ERCC6: variants seen among roughly 807,000 people sequenced by gnomAD.
ERCC6 encodes the protein DNA excision repair protein ERCC-6.
A neutral mutation model predicts 158.7 loss-of-function variants in ERCC6; 116 were observed. The observed-to-expected ratio is 0.73, with a 90% confidence interval of 0.63 to 0.85. The LOEUF (loss-of-function observed/expected upper bound fraction) is 0.85, where lower values mean the gene tolerates loss of function less well. Ranked by LOEUF, ERCC6 falls within the 40% of genes least tolerant of loss-of-function variation. ERCC6 has a pLI of 0.00. For missense variants in ERCC6, 1,698 were observed against 1,799.4 expected, an observed-to-expected ratio of 0.94 and a Z score of 1.02; for synonymous variants, 678 against 659.3, an observed-to-expected ratio of 1.03 and a Z score of -0.43.
Position 49,528,490 on chromosome 10 carries a change from C to T in ERCC6, c.579G>A (p.Lys193=). ...CTCCTCCAAGGATGGCCTGGAGATG[C>T]TTTTGTTTTGCAGTGATCTTTTTTA... ...QQLKKITAKQ[K]HLQAILGGAE... is the part of the protein sequence containing the mutation. The change falls in exon 4 of 21, where the codon AAG becomes AAA. Residue 193 remains lysine (K), a synonymous_variant. Coordinates refer to ENST00000355832, the MANE Select transcript of ERCC6 (RefSeq NM_000124.4). 2 of 1,614,114 alleles carry T rather than the reference C, an allele frequency of 1.2e-6. No individual in the cohort carries two copies.
chr10:49,478,597 G>C, intron 10 of ERCC6, 127 bp from the exon 11 acceptor site: 1 of 727,732 alleles, frequency 1.4e-6, no homozygotes, highest in Non-Finnish European at 2.5e-6. Context: ...AAAGTCAGTG[G>C]GAAATGATTG....
chr10:49,533,140 C>T (rs937422110), intron 1 of ERCC6, among the ~76,000 whole-genome samples, 162 bp from the exon 2 acceptor site: 6 of 152,120 alleles, frequency 3.9e-5, no homozygotes, highest in South Asian at 2.1e-4. Flanking sequence ...AAAGGGACAA[C>T]GTATCTTCTT....
the ERCC6 span, among the ~76,000 whole-genome samples, chr10:49,446,596 G>A: frequency 3.9e-5 from 6 of 152,084 alleles, no homozygotes; most frequent in African/African-American, 7.2e-5. Flanking sequence ...GTGACACAGC[G>A]AGACTCTGTC....
At chr10:49,465,874 T>C (rs1471362232) in intron 18 of ERCC6, among the ~76,000 whole-genome samples, 3 of 151,940 alleles carry the variant, frequency 2.0e-5, no homozygotes, top group Non-Finnish European at 4.4e-5. Flanking sequence ...TTATCAGCAG[T>C]GTGAAAACAG....
intron 7 of ERCC6, among the ~76,000 whole-genome samples, chr10:49,499,434 G>GA (rs1332247072): frequency 6.6e-6 from 1 of 152,176 alleles, no homozygotes; most frequent in East Asian, 1.9e-4. Context: ...TCTCTACTAA[G>GA]CATTTCGCTG....
chr10:49,436,312 C>T, the ERCC6 span, among the ~76,000 whole-genome samples: 1 of 152,022 alleles, frequency 6.6e-6, no homozygotes, highest in African/African-American at 2.4e-5. Flanking sequence ...ACACAGCAAA[C>T]ACTAGCAATA....
At chr10:49,488,017 AT>A (rs1851105263) in intron 8 of ERCC6, 2 of 153,664 alleles carry the variant, frequency 1.3e-5, no homozygotes, top group Non-Finnish European at 2.9e-5. Context: ...ATAATGGTGA[AT>A]TGTTGAATAT....
chr10:49,468,001 G>T (rs1850707490), intron 18 of ERCC6, among the ~76,000 whole-genome samples: 1 of 152,098 alleles, frequency 6.6e-6, no homozygotes, highest in Admixed American at 6.5e-5. Context: ...TACTACAGAG[G>T]CAAGACCCCC....
At position 49,498,379 on chromosome 10, in the gene ERCC6, G is replaced by C. The variant is rs148551761; in HGVS notation, c.1685+2159C>G. 1.3e-3 allele frequency among the ~76,000 whole-genome samples: 202 copies of C among 152,242 alleles called. 1 individual carries two copies. The South Asian group carries it at 0.017, about 13-fold the overall frequency. On this transcript the variant is annotated intron_variant, in intron 7 of 20. Transcript: ENST00000355832. ...CACACAGAACTTCATTTGACCTTAA[G>C]AGCTATTTTTCTGTAAGACATAAGT... is the stretch of plus-strand genomic sequence containing the variant.
At chr10:49,446,871 C>G in the ERCC6 span, among the ~76,000 whole-genome samples, 2 of 152,232 alleles carry the variant, frequency 1.3e-5, no homozygotes, top group African/African-American at 4.8e-5. Context: ...ATAAAAAGTT[C>G]CAGAAGGGTG....
Position 49,478,420 on chromosome 10 carries a change from T to C in ERCC6, c.2220A>G (p.Pro740=). The change falls in exon 11 of 21, where the codon CCA becomes CCG. Residue 740 remains proline (P), a synonymous_variant. Coordinates refer to ENST00000355832, the MANE Select transcript of ERCC6 (RefSeq NM_000124.4). The stretch of plus-strand genomic sequence containing the variant: ...CTGACTTCATTCTCCGCAGTAGGTA[T>C]GGATTTATGGTATCTCGTAAGACAC... The part of the protein sequence containing the change: ...CACVLRDTIN[P]YLLRRMKSDV... 3 of 1,614,120 alleles carry C rather than the reference T, an allele frequency of 1.9e-6. No homozygotes were observed. Among genetic ancestry groups the C allele is most frequent in the South Asian group, 1.1e-5 (1 of 91,082 alleles).
chr10:49,465,470 T>G (rs1850658587), intron 18 of ERCC6, among the ~76,000 whole-genome samples: 1 of 152,180 alleles, frequency 6.6e-6, no homozygotes. Context: ...TTTAGGGGAC[T>G]GTTGGGAAGG....
At position 49,483,529 on chromosome 10, in the gene ERCC6, T is replaced by G; in HGVS notation, c.1822-13A>C. On this transcript the variant is annotated splice_polypyrimidine_tract_variant and intron_variant, in intron 8 of 20. Transcript: ENST00000355832. The stretch of plus-strand genomic sequence containing the variant: ...GAATTAGTTTCTCCTGAGACCACAA[T>G]AAAATGGTAAAGTCAGTTTTAAATA... The G allele has an allele frequency of 6.2e-7, 1 of 1,613,592 alleles. No homozygotes were observed. The highest frequency in any genetic ancestry group is 8.5e-7 in the Non-Finnish European group (1 of 1,179,772).
intron 4 of ERCC6, 191 bp from the exon 5 acceptor site, chr10:49,524,968 T>G (rs1171990457): frequency 3.6e-6 from 5 of 1,390,018 alleles, no homozygotes; most frequent in Non-Finnish European, 4.7e-6. Flanking sequence ...ATTTAATATA[T>G]TCCTGTTCAA....
downstream of ERCC6, among the ~76,000 whole-genome samples, chr10:49,451,671 ATTTAG>A (rs1337753924): frequency 1.3e-5 from 2 of 152,148 alleles, no homozygotes; most frequent in Non-Finnish European, 2.9e-5. Context: ...GGTTTGCAGC[ATTTAG>A]TTGAGGATTT....
chr10:49,488,633 G>T (rs1201367500), intron 8 of ERCC6, among the ~76,000 whole-genome samples: 3 of 147,372 alleles, frequency 2.0e-5, no homozygotes, highest in African/African-American at 7.4e-5. Flanking sequence ...GGAATAATGT[G>T]GCCTCTTTCT....
downstream of ERCC6, among the ~76,000 whole-genome samples, chr10:49,453,114 C>T (rs1850439247): frequency 6.6e-6 from 1 of 152,000 alleles, no homozygotes; most frequent in South Asian, 2.1e-4. Context: ...TCTTTTCATT[C>T]TCTTTTAATA....
At chr10:49,486,957 C>T (rs1851088565) in intron 8 of ERCC6, among the ~76,000 whole-genome samples, 1 of 152,160 alleles carries the variant, frequency 6.6e-6, no homozygotes, top group Admixed American at 6.5e-5. Context: ...ACAGATAAAA[C>T]CTAGTAATAT....
At chr10:49,441,760 G>A in the ERCC6 span, among the ~76,000 whole-genome samples, 169 of 152,236 alleles carry the variant, frequency 1.1e-3, no homozygotes, top group Non-Finnish European at 1.7e-3. Context: ...GCTGTGCACA[G>A]GGTTTTCCTG....
Sources: allele counts gnomAD v4.1 joint callset (sites outside exome capture counted in the v4.1 genomes callset), GRCh38; gene constraint gnomAD v4.1.1; transcripts MANE v1.5; gene names NCBI Gene and HGNC (gene_info 2026-07-23, HGNC 2026-07-21).